VSNL1: variants seen among roughly 807,000 people sequenced by gnomAD.
VSNL1 encodes visinin like 1.
Under a neutral mutation model 20.4 loss-of-function variants are expected in VSNL1, and 6 were observed. The observed-to-expected ratio is 0.29, with a 90% confidence interval of 0.16 to 0.58. VSNL1 has a LOEUF of 0.58. VSNL1 is among the 20% of genes least tolerant of loss of function. VSNL1 has a pLI of 0.90. For missense variants in VSNL1, 100 were observed against 234.5 expected (o/e 0.43, Z 3.75); for synonymous variants, 93 against 86.4 (o/e 1.08, Z -0.42).
intron 1 of VSNL1, among the ~76,000 whole-genome samples, chr2:17,587,506 G>T (rs1382494079): frequency 6.6e-6 from 1 of 152,026 alleles, no homozygotes; most frequent in African/African-American, 2.4e-5. Context: ...AAGTTCTCCT[G>T]GTCCTCTTCT....
At chr2:17,588,873 A>G (rs1345142869) in intron 1 of VSNL1, among the ~76,000 whole-genome samples, 1 of 152,202 alleles carries the variant, frequency 6.6e-6, no homozygotes, top group East Asian at 1.9e-4. Flanking sequence ...AATACCAAAT[A>G]TCTCAGACCC....
chr2:17,642,436 G>A (rs1198793618), intron 2 of VSNL1, among the ~76,000 whole-genome samples: 1 of 151,342 alleles, frequency 6.6e-6, no homozygotes, highest in African/African-American at 2.4e-5. Flanking sequence ...AGCCTCCAGA[G>A]TAGCTGGGAC....
chr2:17,544,788 T>C (rs1663370131), intron 1 of VSNL1, among the ~76,000 whole-genome samples: 1 of 152,172 alleles, frequency 6.6e-6, no homozygotes, highest in Non-Finnish European at 1.5e-5. Flanking sequence ...ATTTAATTAA[T>C]CTAAACTGAC....
chr2:17,578,791 C>G (rs1473302093), intron 1 of VSNL1, among the ~76,000 whole-genome samples: 1 of 152,250 alleles, frequency 6.6e-6, no homozygotes, highest in East Asian at 1.9e-4. Flanking sequence ...TTGCTGGATA[C>G]TTCACAAAGG....
At chr2:17,567,115 C>A (rs942928495) in intron 1 of VSNL1, among the ~76,000 whole-genome samples, 1 of 152,044 alleles carries the variant, frequency 6.6e-6, no homozygotes, top group Non-Finnish European at 1.5e-5. Flanking sequence ...GGTTAAACTT[C>A]ATAAAAAATA....
chr2:17,559,916 A>G lies in VSNL1; in HGVS notation c.-6+18998A>G, dbSNP rs536988872. Among the ~76,000 whole-genome samples the G allele has an allele frequency of 2.6e-5, 4 of 152,128 alleles. No homozygotes were observed. In the East Asian group the frequency reaches 5.8e-4, roughly 22 times the overall value. On this transcript the variant is annotated intron_variant, in intron 1 of 3. Coordinates refer to ENST00000295156, the MANE Select transcript of VSNL1 (RefSeq NM_003385.5). ...ATTAAACTGACATCTTTTGCTGATT[A>G]TATATATTGAAAATCCAAAGATTCA...
At chr2:17,620,693 C>T (rs780019356) in intron 2 of VSNL1, among the ~76,000 whole-genome samples, 2 of 152,116 alleles carry the variant, frequency 1.3e-5, no homozygotes, top group African/African-American at 2.4e-5. Context: ...AATTCCACAC[C>T]CACTATTGTC....
chr2:17,612,298 G>T (rs79581592), intron 2 of VSNL1, among the ~76,000 whole-genome samples: 1 of 152,110 alleles, frequency 6.6e-6, no homozygotes, highest in Non-Finnish European at 1.5e-5. Flanking sequence ...GGCTTGTCTC[G>T]GGGACTGGCC....
intron 1 of VSNL1, among the ~76,000 whole-genome samples, chr2:17,552,706 G>A (rs916035641): frequency 6.6e-6 from 1 of 152,074 alleles, no homozygotes; most frequent in African/African-American, 2.4e-5. Context: ...TATAAAGCCA[G>A]TGTTCAAATC....
At chr2:17,650,128 T>C (rs1666093563) in intron 3 of VSNL1, among the ~76,000 whole-genome samples, 1 of 152,190 alleles carries the variant, frequency 6.6e-6, no homozygotes, top group Non-Finnish European at 1.5e-5. Context: ...TTCTTGGTTT[T>C]CTTCTAATGC....
intron 1 of VSNL1, among the ~76,000 whole-genome samples, chr2:17,571,295 T>C (rs939481279): frequency 6.6e-6 from 1 of 152,172 alleles, no homozygotes; most frequent in African/African-American, 2.4e-5. Flanking sequence ...CTAATAATAA[T>C]TTTTTAAACA....
intron 1 of VSNL1, among the ~76,000 whole-genome samples, chr2:17,589,591 G>A (rs1664553021): frequency 6.6e-6 from 1 of 152,188 alleles, no homozygotes; most frequent in African/African-American, 2.4e-5. Context: ...GAGTGATGGT[G>A]CAGACCCATA....
At chr2:17,588,448 C>G (rs908267516) in intron 1 of VSNL1, among the ~76,000 whole-genome samples, 2 of 152,138 alleles carry the variant, frequency 1.3e-5, no homozygotes, top group African/African-American at 4.8e-5. Flanking sequence ...AGCCTGCTTC[C>G]CCCTCATATG....
At chr2:17,639,141 G>A (rs957137358) in intron 2 of VSNL1, among the ~76,000 whole-genome samples, 7 of 152,206 alleles carry the variant, frequency 4.6e-5, no homozygotes, top group African/African-American at 1.7e-4. Context: ...CCCTTCAGGG[G>A]AGAGGGAGGC....
At chr2:17,556,088 C>T (rs1373018499) in intron 1 of VSNL1, among the ~76,000 whole-genome samples, 7 of 152,070 alleles carry the variant, frequency 4.6e-5, no homozygotes, top group Non-Finnish European at 7.4e-5. Flanking sequence ...ATAACCAATA[C>T]GAACACATCT....
In VSNL1 at chr2:17,636,883, T is replaced by C. The variant is rs1023316854; in HGVS notation, c.163-12527T>C. Among the ~76,000 whole-genome samples the C allele has an allele frequency of 2.6e-5, 4 of 152,326 alleles. No homozygotes were observed. The East Asian group carries it at 7.7e-4, about 29-fold the overall frequency. ...AGAGTGCTTTAGCAGTCACAAAACATTGGCCTCTCTTTATGACAGAATCAC... is the reference window on the plus strand; with the variant it reads ...AGAGTGCTTTAGCAGTCACAAAACACTGGCCTCTCTTTATGACAGAATCAC... On this transcript the variant is annotated intron_variant, in intron 2 of 3. Coordinates refer to ENST00000295156, the MANE Select transcript of VSNL1 (RefSeq NM_003385.5).
At chr2:17,600,589 G>A (rs1369772966) in intron 2 of VSNL1, among the ~76,000 whole-genome samples, 2 of 152,188 alleles carry the variant, frequency 1.3e-5, no homozygotes, top group African/African-American at 4.8e-5. Flanking sequence ...CCAGTTTTTA[G>A]GGATTCAGAT....
intron 2 of VSNL1, among the ~76,000 whole-genome samples, chr2:17,629,834 A>T (rs1238808220): frequency 6.6e-6 from 1 of 152,208 alleles, no homozygotes; most frequent in African/African-American, 2.4e-5. Context: ...GAGCAATGAA[A>T]CAGCTCTCAG....
chr2:17,638,472 CAA>C (rs1665807857), intron 2 of VSNL1, among the ~76,000 whole-genome samples: 1 of 152,194 alleles, frequency 6.6e-6, no homozygotes, highest in South Asian at 2.1e-4. Flanking sequence ...TCGTTGCACA[CAA>C]GAGGAAACAG....
Sources: gnomAD v4.1 joint callset for allele counts (sites outside exome capture counted in the v4.1 genomes callset) on GRCh38, gnomAD v4.1.1 for gene constraint, MANE v1.5 for transcripts, NCBI Gene and HGNC (gene_info 2026-07-23, HGNC 2026-07-21) for gene names.